The following RABGAP1L variants were observed in gnomAD, a reference collection of about 807,000 sequenced individuals.
RABGAP1L encodes RAB GTPase activating protein 1 like, also known as rab GTPase-activating protein 1-like.
RABGAP1L carries 63 observed loss-of-function variants against 137.7 expected under a neutral mutation model. That is an observed-to-expected ratio of 0.46 (90% confidence interval 0.37 to 0.56). The LOEUF (loss-of-function observed/expected upper bound fraction) is 0.56, where lower values mean the gene tolerates loss of function less well. RABGAP1L is among the 20% of genes least tolerant of loss of function. RABGAP1L has a pLI of 0.00. For missense variants in RABGAP1L, 1,095 were observed against 1,244.0 expected, an observed-to-expected ratio of 0.88 and a Z score of 1.80; for synonymous variants, 431 against 433.7, an observed-to-expected ratio of 0.99 and a Z score of 0.08.
chr1:174,885,975 TAAAAAC>T (rs1249198914), intron 19 of RABGAP1L, among the ~76,000 whole-genome samples: 1 of 147,578 alleles, frequency 6.8e-6, no homozygotes, highest in Non-Finnish European at 1.5e-5. Flanking sequence ...TCAAAAAAAA[TAAAAAC>T]AAAACGATGA....
At chr1:174,221,989 A>C (rs1319835178) in intron 3 of RABGAP1L, among the ~76,000 whole-genome samples, 1 of 145,782 alleles carries the variant, frequency 6.9e-6, no homozygotes, top group African/African-American at 2.5e-5. Context: ...CACCATGCCT[A>C]GCTAATTTTT....
rs757619084 is a variant in RABGAP1L, at chr1:174,278,769, G to C, written c.1313G>C (p.Arg438Thr). The stretch of plus-strand genomic sequence containing the variant: ...ACTTTCACAGAGACTTTCTTCATGA[G>C]ATTGAAACAGGTAGGACCTTTTTGT... ...RKTFTETFFM[R>T]LKQSEGKGHT... Residue 438 changes from arginine (R) to threonine (T), a missense_variant, in exon 10 of 26, where the codon AGA (arginine) becomes ACA (threonine). By Grantham distance (71) the Arg-to-Thr change is moderately conservative. This residue lies in a region of RABGAP1L where 315 missense variants were observed against 324.8 expected (regional missense o/e 0.97). Transcript: ENST00000681986. The C allele has an allele frequency of 2.6e-6, 4 of 1,556,572 alleles. No homozygotes were observed. The highest frequency in any genetic ancestry group is 1.7e-4 in the Middle Eastern group (1 of 5,828).
chr1:174,585,295 A>G (rs1336466374), intron 13 of RABGAP1L, among the ~76,000 whole-genome samples: 1 of 152,184 alleles, frequency 6.6e-6, no homozygotes, highest in African/African-American at 2.4e-5. Context: ...GCTTTGGAAT[A>G]CAGCTCATTA....
chr1:174,871,733 GT>G (rs1222431208), intron 19 of RABGAP1L, among the ~76,000 whole-genome samples: 1 of 152,138 alleles, frequency 6.6e-6, no homozygotes, highest in African/African-American at 2.4e-5. Context: ...TTAGTGAAAT[GT>G]TTTAAATAAT....
intron 19 of RABGAP1L, among the ~76,000 whole-genome samples, chr1:174,906,179 G>A (rs968657953): frequency 1.3e-5 from 2 of 152,024 alleles, no homozygotes; most frequent in Admixed American, 6.6e-5. Context: ...CAACTCGCCT[G>A]GCTAATTTTT....
intron 19 of RABGAP1L, among the ~76,000 whole-genome samples, chr1:174,937,910 A>C (rs1665175613): frequency 6.7e-6 from 1 of 149,766 alleles, no homozygotes; most frequent in Non-Finnish European, 1.5e-5. Flanking sequence ...ATGGGGTTTC[A>C]TCATGTTGGT....
At chr1:174,699,769 A>G in intron 16 of RABGAP1L, 119 bp downstream of exon 16, 1 of 1,017,420 alleles carries the variant, frequency 9.8e-7, no homozygotes, top group South Asian at 1.8e-5. Context: ...TAGAAAATGT[A>G]CATGGATTTA....
chr1:174,256,635 G>T (rs1571805903), intron 7 of RABGAP1L, among the ~76,000 whole-genome samples: 3 of 152,172 alleles, frequency 2.0e-5, no homozygotes, highest in Admixed American at 1.3e-4. Flanking sequence ...ATAAAAATTA[G>T]CTGGGCGTGG....
At chr1:174,883,918 A>G (rs901685037) in intron 19 of RABGAP1L, among the ~76,000 whole-genome samples, 1 of 152,174 alleles carries the variant, frequency 6.6e-6, no homozygotes, top group Non-Finnish European at 1.5e-5. Context: ...GTTGAAAATT[A>G]AGCTTCCAGC....
chr1:174,678,389 A>T (rs974132481), intron 14 of RABGAP1L, among the ~76,000 whole-genome samples: 1 of 152,132 alleles, frequency 6.6e-6, no homozygotes, highest in Non-Finnish European at 1.5e-5. Context: ...ACCCTATACC[A>T]AAATGTGTCA....
chr1:174,302,663 T>C (rs1571989513), intron 10 of RABGAP1L, among the ~76,000 whole-genome samples: 1 of 152,158 alleles, frequency 6.6e-6, no homozygotes, highest in East Asian at 1.9e-4. Flanking sequence ...TTCTCAGAAG[T>C]TTCTATGACT....
At chr1:174,527,901 C>CTTTTTTTTTTTTT (rs57707616) in intron 13 of RABGAP1L, among the ~76,000 whole-genome samples, 14 of 124,812 alleles carry the variant, frequency 1.1e-4, no homozygotes, top group East Asian at 2.3e-4. Flanking sequence ...ATATACTTGT[C>CTTTTTTTTTTTTT]TTTTTTTTTT....
chr1:174,662,263 C>T (rs1265316183), intron 14 of RABGAP1L, among the ~76,000 whole-genome samples: 1 of 151,836 alleles, frequency 6.6e-6, no homozygotes, highest in African/African-American at 2.4e-5. Flanking sequence ...ACCACCACGC[C>T]CAACTAATTT....
chr1:174,365,686 T>C (rs929995984), intron 11 of RABGAP1L, among the ~76,000 whole-genome samples: 2 of 152,184 alleles, frequency 1.3e-5, no homozygotes, highest in African/African-American at 4.8e-5. Context: ...ATTGCCTTTC[T>C]GCACCACACG....
At chr1:174,637,163 A>C (rs745983604) in intron 13 of RABGAP1L, among the ~76,000 whole-genome samples, 1 of 152,130 alleles carries the variant, frequency 6.6e-6, no homozygotes, top group Non-Finnish European at 1.5e-5. Flanking sequence ...TACACACACA[A>C]ATATGTATAG....
At chr1:174,925,036 A>T (rs1206059382) in intron 19 of RABGAP1L, among the ~76,000 whole-genome samples, 4 of 152,148 alleles carry the variant, frequency 2.6e-5, no homozygotes, top group Non-Finnish European at 5.9e-5. Context: ...ATCCATCCAC[A>T]TGGCTAGATA....
At chr1:174,314,304 C>G (rs752107424) in intron 11 of RABGAP1L, among the ~76,000 whole-genome samples, 1 of 152,060 alleles carries the variant, frequency 6.6e-6, no homozygotes, top group Admixed American at 6.6e-5. Context: ...CATACAGTTG[C>G]GCATAGTAAC....
rs73042870 is a variant in RABGAP1L, at chr1:174,552,245, G to C, written c.1711-85130G>C. On this transcript the variant is annotated intron_variant, in intron 13 of 25. Coordinates refer to ENST00000681986, the MANE Select transcript of RABGAP1L (RefSeq NM_001366446.1). Reference sequence around the variant, plus strand: ...GTAAACTTGTGTGGTGGGGGTTTTTGTATAGATTATTTCATCACCCAGGTA... The same window carrying C: ...GTAAACTTGTGTGGTGGGGGTTTTTCTATAGATTATTTCATCACCCAGGTA... 5.3e-3 allele frequency among the ~76,000 whole-genome samples: 813 copies of C among 152,156 alleles called. 11 individuals carry two copies. The highest frequency in any genetic ancestry group is 0.019 in the African/African-American group (768 of 41,510).
chr1:174,764,130 T>C (rs528361358), intron 18 of RABGAP1L, among the ~76,000 whole-genome samples: 1 of 152,360 alleles, frequency 6.6e-6, no homozygotes, highest in African/African-American at 2.4e-5. Flanking sequence ...TGTCGTAGCA[T>C]ATATCAGTTC....
Sources: gnomAD v4.1 joint callset for allele counts (sites outside exome capture counted in the v4.1 genomes callset) on GRCh38, gnomAD v4.1.1 for gene constraint, gnomAD v4.1.1 regional missense constraint, MANE v1.5 for transcripts, NCBI Gene and HGNC (gene_info 2026-07-23, HGNC 2026-07-21) for gene names.